Variants in NPAS2 observed in about 807,000 individuals in gnomAD.
NPAS2 encodes neuronal PAS domain protein 2.
NPAS2 carries 23 observed loss-of-function variants against 107.5 expected under a neutral mutation model. The ratio of observed to expected loss-of-function variants is 0.21; its 90% CI spans 0.15 to 0.30. The LOEUF is 0.30. Among genes scored for constraint, NPAS2 ranks in the 10% least tolerant of loss-of-function variants. NPAS2 has a pLI of 1.00. For missense variants in NPAS2, 756 were observed against 1,043.3 expected (o/e 0.72, Z 3.79); for synonymous variants, 403 against 417.5 (o/e 0.97, Z 0.42).
intron 1 of NPAS2, among the ~76,000 whole-genome samples, chr2:100,847,428 G>A (rs1677844795): frequency 6.6e-6 from 1 of 151,878 alleles, no homozygotes; most frequent in Non-Finnish European, 1.5e-5. Flanking sequence ...GGAGTGCAGT[G>A]GTGTGATCTC....
rs751891038 is a variant in NPAS2, at chr2:100,829,624, G to A, written c.-23+9210G>A. On this transcript the variant is annotated intron_variant, in intron 1 of 20. Transcript: ENST00000335681. ...CAAAGAGAGAGAGTCTGACTTCTTCGTTTCCTATTTGGATGCCTTTACTTT... is the reference window on the plus strand; with the variant it reads ...CAAAGAGAGAGAGTCTGACTTCTTCATTTCCTATTTGGATGCCTTTACTTT... Among the ~76,000 whole-genome samples, 7 of 152,044 alleles carry A rather than the reference G, an allele frequency of 4.6e-5. 1 individual carries two copies. The highest frequency in any genetic ancestry group is 2.1e-4 in the South Asian group (1 of 4,824).
At chr2:100,851,025 G>A (rs900201886) in intron 1 of NPAS2, among the ~76,000 whole-genome samples, 1 of 148,586 alleles carries the variant, frequency 6.7e-6, no homozygotes, top group Non-Finnish European at 1.5e-5. Context: ...GAATATTGAG[G>A]ACACTATGCT....
intron 1 of NPAS2, among the ~76,000 whole-genome samples, chr2:100,872,949 C>G (rs1679668826): frequency 6.6e-6 from 1 of 151,996 alleles, no homozygotes; most frequent in Non-Finnish European, 1.5e-5. Context: ...AGACTAAGTT[C>G]TAGTAAGTAC....
chr2:100,870,971 A>T (rs1050428569), intron 1 of NPAS2, among the ~76,000 whole-genome samples: 2 of 152,190 alleles, frequency 1.3e-5, no homozygotes, highest in East Asian at 3.9e-4. Flanking sequence ...CAGAAGATCA[A>T]TGACTTTTGT....
intron 1 of NPAS2, among the ~76,000 whole-genome samples, chr2:100,851,549 C>A (rs1487658540): frequency 2.0e-5 from 3 of 152,170 alleles, no homozygotes; most frequent in Admixed American, 2.0e-4. Flanking sequence ...AGTTGGAAGC[C>A]AAGACTCTTG....
chr2:100,884,363 T>C (rs1680566797), intron 1 of NPAS2, among the ~76,000 whole-genome samples: 1 of 152,156 alleles, frequency 6.6e-6, no homozygotes, highest in Non-Finnish European at 1.5e-5. Flanking sequence ...AAAAAAATTA[T>C]TGCATTTGTT....
intron 7 of NPAS2, among the ~76,000 whole-genome samples, chr2:100,955,851 G>A (rs759192432): frequency 2.0e-4 from 30 of 151,906 alleles, no homozygotes; most frequent in Non-Finnish European, 2.8e-4. Flanking sequence ...AGGACTCCCC[G>A]CCCCATGCTC....
intron 2 of NPAS2, among the ~76,000 whole-genome samples, chr2:100,908,035 C>T (rs749291713): frequency 3.3e-5 from 5 of 151,944 alleles, no homozygotes; most frequent in Non-Finnish European, 7.4e-5. Flanking sequence ...TGTGTGTGTG[C>T]ACGTGCATGC....
At chr2:100,829,913 GAT>G (rs1265944056) in intron 1 of NPAS2, among the ~76,000 whole-genome samples, 19 of 152,288 alleles carry the variant, frequency 1.2e-4, no homozygotes, top group Admixed American at 1.0e-3. Context: ...ACTCCTAAGT[GAT>G]AGTGCATAGC....
Position 100,968,273 on chromosome 2 carries a change from A to G in NPAS2, c.908-8A>G, listed in dbSNP as rs749180326. On this transcript the variant is annotated splice_polypyrimidine_tract_variant and splice_region_variant and intron_variant, in intron 10 of 20. Coordinates refer to ENST00000335681, the MANE Select transcript of NPAS2 (RefSeq NM_002518.4). The surrounding 1 kb of genome is among the most constrained non-coding windows in gnomAD (Gnocchi z 5.3). ...TGGTTATATGCGGAATCCATTTTCTACCGACAGTGATGCAGTTTGGCAAAG... is the reference window on the plus strand; with the variant it reads ...TGGTTATATGCGGAATCCATTTTCTGCCGACAGTGATGCAGTTTGGCAAAG... 8.7e-6 allele frequency: 14 copies of G among 1,613,650 alleles called. No individual in the cohort carries two copies. In the African/African-American group the frequency reaches 1.7e-4, roughly 20 times the overall value.
At chr2:100,987,602 C>T (rs1677851336) in intron 16 of NPAS2, 1 of 156,384 alleles carries the variant, frequency 6.4e-6, no homozygotes, top group African/African-American at 2.4e-5. Context: ...GATTCAAGGG[C>T]AAACACAGAG....
chr2:100,951,837 A>G (rs1675240117), intron 7 of NPAS2, among the ~76,000 whole-genome samples: 1 of 152,000 alleles, frequency 6.6e-6, no homozygotes, highest in Non-Finnish European at 1.5e-5. Flanking sequence ...ACTTTGTTAT[A>G]TGTGTTTTAC....
At chr2:100,923,691 T>C (rs2104886294) in intron 2 of NPAS2, among the ~76,000 whole-genome samples, 1 of 152,254 alleles carries the variant, frequency 6.6e-6, no homozygotes, top group Non-Finnish European at 1.5e-5. Context: ...GCCTGGCCTC[T>C]GGGGCCCCTG....
Position 100,949,383 on chromosome 2 carries a change from G to A in NPAS2, c.501G>A (p.Glu167=). 3 of 1,612,362 alleles carry A rather than the reference G, an allele frequency of 1.9e-6. No individual in the cohort carries two copies. Among genetic ancestry groups the A allele is most frequent in the Non-Finnish European group, 2.5e-6 (3 of 1,178,408 alleles). The change falls in exon 7 of 21, where the codon GAG becomes GAA. Residue 167 remains glutamate (E), a synonymous_variant. Transcript: ENST00000335681. ...PEYLKSDSDL[E]FYCHLLRGSL... is the part of the protein sequence containing the mutation. Reference sequence around the variant, plus strand: ...ACGGCCCAGCTGACAGCGATTTAGAGTTTTATTGCCATCTTCTCAGAGGCA... The same window carrying A: ...ACGGCCCAGCTGACAGCGATTTAGAATTTTATTGCCATCTTCTCAGAGGCA...
At chr2:100,836,165 C>T (rs1431794320) in intron 1 of NPAS2, among the ~76,000 whole-genome samples, 11 of 152,094 alleles carry the variant, frequency 7.2e-5, no homozygotes, top group Admixed American at 1.3e-4. Context: ...CTGCTGCTAC[C>T]GTTTATGAAA....
At chr2:100,959,160 C>T (rs1675774177) in intron 7 of NPAS2, among the ~76,000 whole-genome samples, 1 of 151,204 alleles carries the variant, frequency 6.6e-6, no homozygotes, top group African/African-American at 2.4e-5. Context: ...ATCCCAGCTG[C>T]TTAGGAGGCT....
intron 1 of NPAS2, among the ~76,000 whole-genome samples, chr2:100,900,594 T>C (rs115993061): frequency 2.0e-3 from 310 of 152,328 alleles, no homozygotes; most frequent in African/African-American, 7.1e-3. Flanking sequence ...CGAGTGCTTA[T>C]TTCCACAGAG....
chr2:100,907,381 G>C (rs919853288), intron 2 of NPAS2, among the ~76,000 whole-genome samples: 2 of 151,822 alleles, frequency 1.3e-5, no homozygotes, highest in Non-Finnish European at 2.9e-5. Context: ...CCTGTGTAGT[G>C]AGGCTGGGGC....
intron 7 of NPAS2, among the ~76,000 whole-genome samples, chr2:100,952,888 AAC>A (rs1460200799): frequency 8.6e-5 from 13 of 151,070 alleles, no homozygotes; most frequent in Non-Finnish European, 1.5e-5. Context: ...TACTGCTGTA[AAC>A]ACGCAGCACT....
Sources: gnomAD v4.1 joint callset for allele counts (sites outside exome capture counted in the v4.1 genomes callset) on GRCh38, gnomAD v4.1.1 for gene constraint, Gnocchi (gnomAD v3.1) non-coding constraint, MANE v1.5 for transcripts, NCBI Gene and HGNC (gene_info 2026-07-23, HGNC 2026-07-21) for gene names.